DCLK1: variants seen among roughly 807,000 people sequenced by gnomAD.
DCLK1 encodes the protein doublecortin like kinase 1.
A neutral mutation model predicts 86.2 loss-of-function variants in DCLK1; 16 were observed. That is an observed-to-expected ratio of 0.19 (90% CI 0.13 to 0.28). The LOEUF (loss-of-function observed/expected upper bound fraction) is 0.28. DCLK1 is among the 10% of genes least tolerant of loss of function. DCLK1 has a pLI of 1.00. For missense variants in DCLK1, 590 were observed against 940.2 expected (o/e 0.63, Z 4.87); for synonymous variants, 369 against 370.5 (o/e 1.00, Z 0.05).
rs934090832 is a variant in DCLK1, at chr13:35,770,209, C to T, written c.*4326G>A. The T allele has an allele frequency of 6.6e-6, 1 of 152,134 alleles. No homozygotes were observed. Among genetic ancestry groups the T allele is most frequent in the Admixed American group, 6.6e-5 (1 of 15,266 alleles). 9.4% of individuals were successfully genotyped at this position (152,134 alleles called of 1,614,324 possible). ...ACGTCCTAGGAACCCCATTTGTTAC[C>T]GTTTCATGTGTAAGCACCATTGAAC... On this transcript the variant is annotated 3_prime_UTR_variant, in exon 17 of 17. Transcript: ENST00000360631.
chr13:35,798,273 C>T (rs12855118), intron 15 of DCLK1, among the ~76,000 whole-genome samples: 16,610 of 152,180 alleles, frequency 0.11, 1,046 homozygotes, highest in East Asian at 0.18. Flanking sequence ...TAGAATTCCT[C>T]GCTTTCCTCT....
chr13:36,021,137 T>C (rs932121461), intron 3 of DCLK1, among the ~76,000 whole-genome samples: 1 of 151,982 alleles, frequency 6.6e-6, no homozygotes, highest in Admixed American at 6.6e-5. Flanking sequence ...AAGAGCTATA[T>C]TGGAGCAAAG....
intron 3 of DCLK1, among the ~76,000 whole-genome samples, chr13:36,007,686 T>C (rs1205627635): frequency 1.3e-5 from 2 of 152,190 alleles, no homozygotes; most frequent in African/African-American, 4.8e-5. Context: ...AAATCCATAC[T>C]ATTTGTGAGT....
intron 3 of DCLK1, among the ~76,000 whole-genome samples, chr13:36,045,866 A>G (rs76181597): frequency 0.049 from 7,438 of 152,080 alleles, 203 homozygotes; most frequent in African/African-American, 0.071. Context: ...AAAAAAAAAA[A>G]AAGTTCCTCA....
chr13:35,932,123 T>C (rs891078457), intron 4 of DCLK1, among the ~76,000 whole-genome samples: 2 of 152,196 alleles, frequency 1.3e-5, no homozygotes, highest in African/African-American at 2.4e-5. Flanking sequence ...CTCTCCAACG[T>C]AGGTAGGCCT....
intron 3 of DCLK1, among the ~76,000 whole-genome samples, chr13:35,976,525 G>GTTTTTTTTTTCTT (rs1879342908): frequency 1.8e-5 from 1 of 56,350 alleles, no homozygotes; most frequent in Admixed American, 3.1e-4. Flanking sequence ...CTTCTCCGAG[G>GTTTTTTTTTTCTT]TTTTTTTTTT....
At chr13:36,074,529 A>C (rs555756785) in intron 3 of DCLK1, among the ~76,000 whole-genome samples, 2 of 138,036 alleles carry the variant, frequency 1.4e-5, no homozygotes, top group African/African-American at 5.2e-5. Context: ...AGAGAAGACA[A>C]TACAGTTTAT....
intron 16 of DCLK1, among the ~76,000 whole-genome samples, chr13:35,784,292 A>G (rs746617848): frequency 5.3e-5 from 8 of 152,220 alleles, no homozygotes; most frequent in Admixed American, 2.0e-4. Context: ...ATGCCATGAC[A>G]TTTTCTCATT....
chr13:35,849,513 T>C (rs1220988840), intron 6 of DCLK1: 1 of 982,068 alleles, frequency 1.0e-6, no homozygotes, highest in Non-Finnish European at 1.2e-6. Context: ...ACCACTAGGA[T>C]ATGGCTTAAA....
At position 35,975,000 on chromosome 13, in the gene DCLK1, C is replaced by T. The variant is rs569446810; in HGVS notation, c.724-27543G>A. 8.5e-5 allele frequency among the ~76,000 whole-genome samples: 13 copies of T among 152,346 alleles called. No homozygotes were observed. The South Asian group carries it at 1.9e-3, about 22-fold the overall frequency. ...CATTTCAGTCAACAGCCCTTTGAGGCAGGTGCCATTTCCATGCTTAGTGTG... is the reference window on the plus strand; with the variant it reads ...CATTTCAGTCAACAGCCCTTTGAGGTAGGTGCCATTTCCATGCTTAGTGTG... On this transcript the variant is annotated intron_variant, in intron 3 of 16. Coordinates refer to ENST00000360631, the MANE Select transcript of DCLK1 (RefSeq NM_001330071.2).
At chr13:35,878,215 C>T (rs962712029) in intron 4 of DCLK1, among the ~76,000 whole-genome samples, 1 of 152,222 alleles carries the variant, frequency 6.6e-6, no homozygotes, top group Non-Finnish European at 1.5e-5. Context: ...TAATGGACAA[C>T]TAAAATTTAC....
chr13:35,800,490 T>C (rs908328074), intron 15 of DCLK1, among the ~76,000 whole-genome samples: 2 of 152,082 alleles, frequency 1.3e-5, no homozygotes, highest in South Asian at 4.1e-4. Flanking sequence ...GAACCATCCA[T>C]AGAGAGGCCT....
At chr13:35,900,228 T>C (rs1438880375) in intron 4 of DCLK1, among the ~76,000 whole-genome samples, 3 of 145,258 alleles carry the variant, frequency 2.1e-5, no homozygotes, top group African/African-American at 7.9e-5. Flanking sequence ...GAGGTTTAGG[T>C]TCAACTAAAT....
chr13:35,839,032 G>A, intron 7 of DCLK1, 60 bp downstream of exon 7: 1 of 1,462,320 alleles, frequency 6.8e-7, no homozygotes, highest in East Asian at 2.4e-5. Context: ...ACAGTTTCTT[G>A]GAGTAAATTT....
At chr13:35,874,802 G>A (rs1872502449) in intron 4 of DCLK1, among the ~76,000 whole-genome samples, 1 of 152,196 alleles carries the variant, frequency 6.6e-6, no homozygotes, top group African/African-American at 2.4e-5. Flanking sequence ...AACGTGCCAA[G>A]GAGATCTCAG....
intron 4 of DCLK1, among the ~76,000 whole-genome samples, chr13:35,939,492 C>A (rs960325419): frequency 1.1e-4 from 16 of 152,222 alleles, no homozygotes; most frequent in Admixed American, 2.0e-4. Context: ...GCAGCCTCAA[C>A]CTCTGGGGCT....
intron 6 of DCLK1, among the ~76,000 whole-genome samples, chr13:35,844,006 C>T (rs1484959843): frequency 6.6e-6 from 1 of 152,146 alleles, no homozygotes; most frequent in African/African-American, 2.4e-5. Context: ...AAAAGCCAGA[C>T]ATTTATTTAT....
At chr13:35,893,464 G>A (rs921804403) in intron 4 of DCLK1, among the ~76,000 whole-genome samples, 3 of 152,164 alleles carry the variant, frequency 2.0e-5, no homozygotes, top group Admixed American at 6.5e-5. Flanking sequence ...CTTACTACTG[G>A]TTGAGCATCC....
intron 10 of DCLK1, among the ~76,000 whole-genome samples, chr13:35,825,469 TCTC>T (rs1461484724): frequency 6.6e-6 from 1 of 151,948 alleles, no homozygotes; most frequent in Non-Finnish European, 1.5e-5. Flanking sequence ...CTTACCATAG[TCTC>T]CTAACCAAGC....
Sources: allele counts gnomAD v4.1 joint callset (sites outside exome capture counted in the v4.1 genomes callset), GRCh38; gene constraint gnomAD v4.1.1; transcripts MANE v1.5; gene names NCBI Gene and HGNC (gene_info 2026-07-23, HGNC 2026-07-21).